Variants in UTRN observed in about 807,000 individuals in gnomAD.
UTRN encodes utrophin, also known as dystrophin-related protein 1.
A neutral mutation model predicts 463.9 loss-of-function variants in UTRN; 283 were observed. The observed-to-expected ratio is 0.61, with a 90% CI of 0.55 to 0.67. The LOEUF is 0.67. Among genes scored for constraint, UTRN ranks in the 30% least tolerant of loss-of-function variants. The pLI is 0.00. For missense variants in UTRN, 3,922 were observed against 4,084.3 expected (o/e 0.96, Z 1.08); for synonymous variants, 1,442 against 1,431.5 (o/e 1.01, Z -0.17).
At chr6:144,759,204 G>A (rs954451526) in intron 58 of UTRN, among the ~76,000 whole-genome samples, 3 of 152,000 alleles carry the variant, frequency 2.0e-5, no homozygotes, top group African/African-American at 7.3e-5. Context: ...GAACTGAGTT[G>A]AGAACAAGGT....
chr6:144,542,191 A>G (rs1798032518), intron 45 of UTRN, among the ~76,000 whole-genome samples: 1 of 152,218 alleles, frequency 6.6e-6, no homozygotes, highest in Non-Finnish European at 1.5e-5. Flanking sequence ...TAGAAAGATG[A>G]GTTAGAATCT....
intron 68 of UTRN, 104 bp from the exon 69 acceptor site, chr6:144,828,686 G>C: frequency 8.8e-7 from 1 of 1,136,854 alleles, no homozygotes; most frequent in Non-Finnish European, 1.3e-6. Context: ...ATCTTTCTAT[G>C]TTTTGTCAGA....
chr6:144,419,053 A>G (rs907980029), intron 3 of UTRN, among the ~76,000 whole-genome samples: 2 of 150,360 alleles, frequency 1.3e-5, no homozygotes, highest in African/African-American at 4.9e-5. Context: ...CTGAAAGTGA[A>G]TTCGGTTATT....
intron 43 of UTRN, among the ~76,000 whole-genome samples, chr6:144,535,847 G>A (rs956820904): frequency 1.3e-5 from 2 of 152,086 alleles, no homozygotes; most frequent in Non-Finnish European, 2.9e-5. Flanking sequence ...TGGTGCAATC[G>A]TAGCTCACTG....
chr6:144,416,905 A>C (rs1373827019), intron 3 of UTRN, among the ~76,000 whole-genome samples: 3 of 152,240 alleles, frequency 2.0e-5, no homozygotes, highest in Non-Finnish European at 2.9e-5. Context: ...GTCCAAATGC[A>C]TTATTCAACT....
At chr6:144,539,072 G>T (rs28493305) in intron 44 of UTRN, among the ~76,000 whole-genome samples, 1 of 152,136 alleles carries the variant, frequency 6.6e-6, no homozygotes, top group Non-Finnish European at 1.5e-5. Context: ...CAGAGAGCCC[G>T]TTTGTGCACA....
rs1331574183 is a variant in UTRN, at chr6:144,344,010, A to C, written c.79+52103A>C. On this transcript the variant is annotated intron_variant, in intron 2 of 74. Transcript: ENST00000367545. ...GCCTAAGGAGTTTTCACTGACTACA[A>C]AGTGTAACTTCCTCTCTGGTGTTTA... The C allele has an allele frequency of 1.2e-5, 6 of 498,662 alleles. No homozygotes were observed. The East Asian group carries it at 6.0e-4, about 50-fold the overall frequency. 30.9% of individuals were successfully genotyped at this position (498,662 alleles called of 1,614,324 possible).
Position 144,537,658 on chromosome 6 carries a change from G to T in UTRN, c.6310G>T (p.Glu2104Ter). The change falls in exon 44 of 75, where the codon GAG (glutamate) becomes TAG (stop). Residue 2104 changes from glutamate to a stop codon, truncating the protein, a stop_gained. Transcript: ENST00000367545. LOFTEE classifies it high-confidence loss of function. ...DEIICWLTKA[E>*]HAMQKRSTTE... ...GATTATCTGTTGGTTAACAAAGGCTGAGCATGCTATGCAAAAGAGATCAAC... is the reference window on the plus strand; with the variant it reads ...GATTATCTGTTGGTTAACAAAGGCTTAGCATGCTATGCAAAAGAGATCAAC... 6.2e-7 allele frequency: 1 copy of T among 1,612,652 alleles called. No homozygotes were observed.
chr6:144,648,990 A>T (rs1210641536), intron 51 of UTRN, among the ~76,000 whole-genome samples: 1 of 152,230 alleles, frequency 6.6e-6, no homozygotes, highest in East Asian at 1.9e-4. Context: ...GGGAAAGCAC[A>T]TTGGCAAAAC....
In UTRN at chr6:144,626,848, C is replaced by T. The variant is rs570935129; in HGVS notation, c.7479+49560C>T. ...AGAGATGGCGTTTCACCGTGTTGGC[C>T]AGAATGGTCTCGATCTCTTGACCTT... is the stretch of plus-strand genomic sequence containing the variant. On this transcript the variant is annotated intron_variant, in intron 51 of 74. Coordinates refer to ENST00000367545, the MANE Select transcript of UTRN (RefSeq NM_007124.3). 5.3e-5 allele frequency among the ~76,000 whole-genome samples: 8 copies of T among 152,226 alleles called. No individual in the cohort carries two copies. In the South Asian group the frequency reaches 1.7e-3, roughly 32 times the overall value.
chr6:144,434,870 G>A (rs373686585), intron 9 of UTRN, among the ~76,000 whole-genome samples: 59 of 152,308 alleles, frequency 3.9e-4, no homozygotes, highest in African/African-American at 1.4e-3. Flanking sequence ...AGCAAGGAAC[G>A]TGGGTGGCCA....
intron 27 of UTRN, among the ~76,000 whole-genome samples, chr6:144,483,594 T>A (rs1792114124): frequency 1.3e-5 from 2 of 152,248 alleles, no homozygotes; most frequent in South Asian, 4.1e-4. Flanking sequence ...AGCCTTGCAA[T>A]GCCACACCTG....
intron 58 of UTRN, among the ~76,000 whole-genome samples, chr6:144,765,691 A>G (rs981988977): frequency 1.3e-5 from 2 of 152,182 alleles, no homozygotes; most frequent in Non-Finnish European, 2.9e-5. Context: ...GATTACAGAC[A>G]TGAGCCACTG....
intron 2 of UTRN, among the ~76,000 whole-genome samples, chr6:144,400,203 T>C (rs1782816119): frequency 6.6e-6 from 1 of 152,226 alleles, no homozygotes; most frequent in Non-Finnish European, 1.5e-5. Context: ...AAGGTGTATA[T>C]GCAGTGTAAA....
chr6:144,541,781 G>A (rs58816636), intron 45 of UTRN, among the ~76,000 whole-genome samples: 2,052 of 152,288 alleles, frequency 0.013, 47 homozygotes, highest in African/African-American at 0.047. Flanking sequence ...GCACCTGCTT[G>A]GCTTTGAGGG....
intron 7 of UTRN, among the ~76,000 whole-genome samples, chr6:144,426,936 G>A (rs183599574): frequency 3.0e-4 from 45 of 152,280 alleles, no homozygotes; most frequent in Non-Finnish European, 4.9e-4. Flanking sequence ...GAAGAATCAG[G>A]CTGAAATACT....
At chr6:144,798,123 C>A in intron 64 of UTRN, 133 bp downstream of exon 64, 3 of 1,169,062 alleles carry the variant, frequency 2.6e-6, no homozygotes, top group Non-Finnish European at 3.6e-6. Context: ...TTCAGTATGT[C>A]TCATCTATCT....
intron 51 of UTRN, among the ~76,000 whole-genome samples, chr6:144,598,611 T>C (rs7770800): frequency 0.56 from 84,712 of 152,078 alleles, 26,077 homozygotes; most frequent in East Asian, 0.85. Flanking sequence ...TTTGCAGGGG[T>C]ATTTCAAAAT....
intron 53 of UTRN, chr6:144,708,539 C>G (rs1425897553): frequency 2.9e-6 from 1 of 340,378 alleles, no homozygotes; most frequent in African/African-American, 2.1e-5. Flanking sequence ...AAAACACAGT[C>G]CCTGTTTACA....
Sources: gnomAD v4.1 joint callset for allele counts (sites outside exome capture counted in the v4.1 genomes callset) on GRCh38, gnomAD v4.1.1 for gene constraint, MANE v1.5 for transcripts, NCBI Gene and HGNC (gene_info 2026-07-23, HGNC 2026-07-21) for gene names.